The following DLG2 variants were observed in gnomAD, a reference collection of about 807,000 sequenced individuals.
DLG2 encodes the protein discs large MAGUK scaffold protein 2.
In DLG2, 45 loss-of-function variants were observed where a neutral mutation model predicts 132.5. That is an observed-to-expected ratio of 0.34 (90% confidence interval 0.27 to 0.44). DLG2 has a LOEUF of 0.44. Among genes scored for constraint, DLG2 ranks in the 20% least tolerant of loss-of-function variants. DLG2 has a pLI of 1.00. For synonymous variants in DLG2, 424 were observed against 419.6 expected (o/e 1.01, Z -0.13); for missense variants, 1,045 against 1,196.9 (o/e 0.87, Z 1.87).
intron 18 of DLG2, among the ~76,000 whole-genome samples, chr11:83,673,470 G>C (rs564450223): frequency 8.5e-5 from 13 of 152,266 alleles, no homozygotes; most frequent in Admixed American, 2.0e-4. Context: ...TACTCTTTAT[G>C]TTGCTAGTGG....
At chr11:84,998,912 A>T (rs1359796775) in intron 6 of DLG2, among the ~76,000 whole-genome samples, 1 of 151,928 alleles carries the variant, frequency 6.6e-6, no homozygotes, top group African/African-American at 2.4e-5. Flanking sequence ...TACAGTGAGG[A>T]TTCTCTCTGT....
intron 7 of DLG2, among the ~76,000 whole-genome samples, chr11:84,429,653 G>C (rs1385534423): frequency 6.6e-6 from 1 of 152,078 alleles, no homozygotes; most frequent in Non-Finnish European, 1.5e-5. Flanking sequence ...TTTTAAAGCG[G>C]GATGGCTTCT....
At chr11:84,586,418 T>G (rs1444311134) in intron 6 of DLG2, among the ~76,000 whole-genome samples, 2 of 152,200 alleles carry the variant, frequency 1.3e-5, no homozygotes, top group Non-Finnish European at 2.9e-5. Context: ...CTAGTACATA[T>G]TTGTTCCATT....
chr11:85,149,205 T>C (rs2077061177), intron 5 of DLG2, among the ~76,000 whole-genome samples: 1 of 152,188 alleles, frequency 6.6e-6, no homozygotes, highest in Non-Finnish European at 1.5e-5. Context: ...TTTGTTCTTT[T>C]TGCTCAGGAT....
intron 2 of DLG2, among the ~76,000 whole-genome samples, chr11:85,610,105 A>G (rs2080885712): frequency 6.6e-6 from 1 of 152,222 alleles, no homozygotes; most frequent in Non-Finnish European, 1.5e-5. Context: ...AAGGAAAAAA[A>G]TGCCCGCCCA....
chr11:84,169,473 G>C (rs1392408604), intron 8 of DLG2, among the ~76,000 whole-genome samples: 1 of 152,076 alleles, frequency 6.6e-6, no homozygotes, highest in Non-Finnish European at 1.5e-5. Flanking sequence ...CCACTAAAAG[G>C]CTTTCCTAAC....
At chr11:85,483,014 G>A (rs2093336084) in intron 3 of DLG2, among the ~76,000 whole-genome samples, 1 of 152,160 alleles carries the variant, frequency 6.6e-6, no homozygotes, top group Admixed American at 6.5e-5. Context: ...AAGGAGAAAA[G>A]AAAGAGAAAG....
intron 3 of DLG2, among the ~76,000 whole-genome samples, chr11:85,575,532 C>A (rs914815417): frequency 1.0e-4 from 15 of 146,080 alleles, no homozygotes; most frequent in African/African-American, 3.8e-4. Context: ...AGAGTGAGAT[C>A]CTATCTCAAA....
intron 7 of DLG2, among the ~76,000 whole-genome samples, chr11:84,274,368 T>A (rs4944475): frequency 6.6e-6 from 1 of 152,090 alleles, no homozygotes; most frequent in Non-Finnish European, 1.5e-5. Flanking sequence ...TACTCAAGCA[T>A]GTCAAGAGGT....
intron 6 of DLG2, among the ~76,000 whole-genome samples, chr11:84,743,574 T>G (rs2064968996): frequency 1.3e-5 from 2 of 151,320 alleles, no homozygotes; most frequent in Non-Finnish European, 2.9e-5. Flanking sequence ...AGACAAAGAG[T>G]CATGTAAGCT....
chr11:84,040,937 A>G (rs1488511165), intron 11 of DLG2, among the ~76,000 whole-genome samples: 1 of 151,818 alleles, frequency 6.6e-6, no homozygotes, highest in Non-Finnish European at 1.5e-5. Flanking sequence ...GGTCCTTCAT[A>G]TCCCTTGTAA....
intron 7 of DLG2, among the ~76,000 whole-genome samples, chr11:84,257,430 G>C (rs2097491098): frequency 1.3e-5 from 2 of 152,156 alleles, no homozygotes; most frequent in Admixed American, 1.3e-4. Context: ...TACTGGGACA[G>C]ATAATAATAA....
rs574831176 is a variant in DLG2, at chr11:84,351,059, A to G, written c.520-99768T>C. On this transcript the variant is annotated intron_variant, in intron 7 of 27. Transcript: ENST00000376104. Reference sequence around the variant, plus strand: ...TGTACAGTCTATTATACAGAACTTTAGATGTGAGGACAAACAGGAAATATT... The same window carrying G: ...TGTACAGTCTATTATACAGAACTTTGGATGTGAGGACAAACAGGAAATATT... 5.9e-5 allele frequency among the ~76,000 whole-genome samples: 9 copies of G among 152,306 alleles called. No individual in the cohort carries two copies. In the South Asian group the frequency reaches 1.7e-3, roughly 28 times the overall value.
chr11:84,071,351 C>T (rs1392953488), intron 10 of DLG2, among the ~76,000 whole-genome samples: 1 of 151,994 alleles, frequency 6.6e-6, no homozygotes, highest in African/African-American at 2.4e-5. Context: ...GTGATCCACC[C>T]ACCTCAGCCT....
At chr11:84,105,139 T>C (rs930858869) in intron 9 of DLG2, among the ~76,000 whole-genome samples, 1 of 152,152 alleles carries the variant, frequency 6.6e-6, no homozygotes, top group African/African-American at 2.4e-5. Flanking sequence ...ATTTTAGTTA[T>C]AAGGAACCGC....
chr11:84,063,231 T>C (rs2096619099), intron 10 of DLG2, among the ~76,000 whole-genome samples: 1 of 152,238 alleles, frequency 6.6e-6, no homozygotes, highest in African/African-American at 2.4e-5. Context: ...ACAGTATTCA[T>C]CTGCAGCAAT....
At chr11:84,321,934 G>T (rs911063565) in intron 7 of DLG2, among the ~76,000 whole-genome samples, 2 of 152,084 alleles carry the variant, frequency 1.3e-5, no homozygotes, top group Non-Finnish European at 2.9e-5. Context: ...CACTCATTTA[G>T]CACCTGTGCT....
intron 9 of DLG2, among the ~76,000 whole-genome samples, chr11:84,115,019 G>A (rs1027856092): frequency 2.6e-5 from 4 of 152,064 alleles, no homozygotes; most frequent in African/African-American, 9.7e-5. Context: ...GCTTCTTAAA[G>A]CTATGCTTAG....
At chr11:84,483,900 G>T (rs1346927991) in intron 7 of DLG2, among the ~76,000 whole-genome samples, 1 of 152,190 alleles carries the variant, frequency 6.6e-6, no homozygotes, top group African/African-American at 2.4e-5. Context: ...CCAGAGGCAA[G>T]GAGTCTCTGA....
Sources: allele counts gnomAD v4.1 joint callset (sites outside exome capture counted in the v4.1 genomes callset), GRCh38; gene constraint gnomAD v4.1.1; transcripts MANE v1.5; gene names NCBI Gene and HGNC (gene_info 2026-07-23, HGNC 2026-07-21).